The following STARD7 variants were observed in gnomAD, a reference collection of about 807,000 sequenced individuals.
STARD7 encodes StAR related lipid transfer domain containing 7.
In STARD7, 30 loss-of-function variants were observed where a neutral mutation model predicts 45.3. The observed-to-expected ratio is 0.66, with a 90% confidence interval of 0.50 to 0.90. The LOEUF is 0.90. Among genes scored for constraint, STARD7 ranks in the 40% least tolerant of loss-of-function variants. The pLI is 0.00. For synonymous variants in STARD7, 199 were observed against 183.0 expected (o/e 1.09, Z -0.70); for missense variants, 495 against 491.3 (o/e 1.01, Z -0.07).
chr2:96,197,100 A>AC (rs1162445956), intron 1 of STARD7, among the ~76,000 whole-genome samples: 5 of 139,876 alleles, frequency 3.6e-5, no homozygotes, highest in Non-Finnish European at 3.2e-5. Context: ...ATAAAATAAA[A>AC]TAAAATAAAA....
Position 96,198,257 on chromosome 2 carries a change from A to C in STARD7, c.291-2708T>G, listed in dbSNP as rs543466827. On this transcript the variant is annotated intron_variant, in intron 1 of 7. Transcript: ENST00000337288. ...AGAATTGCTTGAACCCAGGAGGTGG[A>C]GGTTGCAGTGAGCCAAGATTGCACC... is the stretch of plus-strand genomic sequence containing the variant. 3.4e-4 allele frequency among the ~76,000 whole-genome samples: 51 copies of C among 151,834 alleles called. 1 individual carries two copies. The highest frequency in any genetic ancestry group is 1.2e-3 in the African/African-American group (49 of 41,382).
At chr2:96,204,231 G>C (rs1284660342) in intron 1 of STARD7, among the ~76,000 whole-genome samples, 1 of 152,096 alleles carries the variant, frequency 6.6e-6, no homozygotes, top group Non-Finnish European at 1.5e-5. Context: ...CTGCACTCCA[G>C]CCTGGGCGAC....
chr2:96,204,955 A>G (rs1318091503), intron 1 of STARD7, among the ~76,000 whole-genome samples: 2 of 152,154 alleles, frequency 1.3e-5, no homozygotes, highest in East Asian at 1.9e-4. Context: ...AACTATGAGG[A>G]GGTTAATGGA....
Position 96,185,591 on chromosome 2 carries a change from T to G in STARD7, c.*1139A>C, listed in dbSNP as rs1683023067. ...TGGCTCTGAAGAGAGGAAGAAAAAC[T>G]TTTTAGAGGAACTTAATGGTAACAT... On this transcript the variant is annotated 3_prime_UTR_variant, in exon 8 of 8. Transcript: ENST00000337288. 1.3e-5 allele frequency: 2 copies of G among 152,172 alleles called. No individual in the cohort carries two copies. Among genetic ancestry groups the G allele is most frequent in the South Asian group, 4.1e-4 (2 of 4,824 alleles). The allele number at this position is 152,172 out of a possible 1,614,324, so 9.4% of individuals were successfully genotyped here.
At chr2:96,190,200 GA>G (rs1683104055) in intron 6 of STARD7, among the ~76,000 whole-genome samples, 1 of 152,136 alleles carries the variant, frequency 6.6e-6, no homozygotes, top group South Asian at 2.1e-4. Flanking sequence ...TGTAACACCA[GA>G]AAGCAAGACA....
intron 1 of STARD7, among the ~76,000 whole-genome samples, chr2:96,204,355 C>A (rs1683354384): frequency 6.6e-6 from 1 of 152,056 alleles, no homozygotes; most frequent in South Asian, 2.1e-4. Flanking sequence ...GAGCTGGAGA[C>A]CAGCCTGTCC....
chr2:96,200,796 G>A (rs1015408790), intron 1 of STARD7, among the ~76,000 whole-genome samples: 5 of 152,074 alleles, frequency 3.3e-5, no homozygotes, highest in South Asian at 2.1e-4. Flanking sequence ...CACAATAGGC[G>A]TGTGCTACCA....
At chr2:96,187,056 C>A in intron 7 of STARD7, 142 bp from the exon 8 acceptor site, 1 of 930,710 alleles carries the variant, frequency 1.1e-6, no homozygotes, top group Non-Finnish European at 1.6e-6. Context: ...ATAAGAGCTG[C>A]CTCCCGGAAT....
intron 1 of STARD7, among the ~76,000 whole-genome samples, chr2:96,206,796 G>A (rs1342576698): frequency 1.1e-4 from 10 of 94,254 alleles, no homozygotes; most frequent in East Asian, 3.5e-4. Context: ...GCGAGACTCC[G>A]TCTCAAAAAA....
chr2:96,197,197 G>T (rs945550202), intron 1 of STARD7, among the ~76,000 whole-genome samples: 2 of 151,964 alleles, frequency 1.3e-5, no homozygotes, highest in Admixed American at 6.6e-5. Context: ...CTGAGGTCAG[G>T]AGTTCGAGAC....
At chr2:96,194,921 T>G in intron 3 of STARD7, 37 bp downstream of exon 3, 1 of 1,570,822 alleles carries the variant, frequency 6.4e-7, no homozygotes, top group South Asian at 1.2e-5. Flanking sequence ...ATTGATATGC[T>G]AGGAGGCTCC....
In STARD7 at chr2:96,208,376, A is replaced by T; in HGVS notation, c.59T>A (p.Leu20Gln). The T allele has an allele frequency of 6.6e-7, 1 of 1,521,462 alleles. No homozygotes were observed. The highest frequency in any genetic ancestry group is 8.7e-7 in the Non-Finnish European group (1 of 1,145,200). The allele number at this position is 1,521,462 out of a possible 1,614,324, so 94.2% of individuals were successfully genotyped here. The change falls in exon 1 of 8, where the codon CTG becomes CAG. Residue 20 changes from leucine (L) to glutamine (Q), a missense_variant. Coordinates refer to ENST00000337288, the MANE Select transcript of STARD7 (RefSeq NM_020151.4). ...WLAGTRGGGL[L>Q]ALLANQCRFV... The stretch of plus-strand genomic sequence containing the variant: ...GCGGCACTGATTGGCCAGAAGCGCC[A>T]GCAGGCCCCCGCCCCGCGTCCCCGC...
chr2:96,191,120 G>A (rs1201678074), intron 6 of STARD7, among the ~76,000 whole-genome samples: 6 of 152,172 alleles, frequency 3.9e-5, no homozygotes, highest in African/African-American at 7.2e-5. Flanking sequence ...AGTTGTGATT[G>A]TACCACTGCA....
In STARD7 at chr2:96,208,156, C is replaced by T. The variant is rs1683428689; in HGVS notation, c.279G>A (p.Glu93=). The T allele has an allele frequency of 6.3e-7, 1 of 1,586,314 alleles. No individual in the cohort carries two copies. The highest frequency in any genetic ancestry group is 1.4e-5 in the African/African-American group (1 of 72,940). The change falls in exon 1 of 8, where the codon GAG becomes GAA. Residue 93 remains glutamate, a synonymous_variant. Transcript: ENST00000337288. ...GCCGCAGCGCCCACCTCTGCAACTC[C>T]TCCTCCTGGATCCTCTCCTCGTCCC... The part of the protein sequence containing the change: ...FVWDEERIQE[E]ELQRSINEMK...
At chr2:96,200,767 C>T (rs1451058409) in intron 1 of STARD7, among the ~76,000 whole-genome samples, 3 of 152,178 alleles carry the variant, frequency 2.0e-5, no homozygotes, top group Non-Finnish European at 4.4e-5. Flanking sequence ...CCTTTCACTT[C>T]AGCCTCCCAA....
chr2:96,205,466 A>G (rs530961752), intron 1 of STARD7, among the ~76,000 whole-genome samples: 11 of 152,360 alleles, frequency 7.2e-5, no homozygotes, highest in Admixed American at 7.2e-4. Flanking sequence ...GTACAGAATC[A>G]GCACAGATGA....
At position 96,196,123 on chromosome 2, in the gene STARD7, AAAAAAAC is replaced by A. The variant is rs1553432193; in HGVS notation, c.291-581_291-575del. On this transcript the variant is annotated intron_variant, in intron 1 of 7. Coordinates refer to ENST00000337288, the MANE Select transcript of STARD7 (RefSeq NM_020151.4). ...GTGAGACTCTTGTCTCAAAAAAAAAAAAAAAACAAAAAACAAAAAACAACGAAAAAAA... is the reference window on the plus strand; with the variant it reads ...GTGAGACTCTTGTCTCAAAAAAAAAAAAAAAACAAAAAACAACGAAAAAAA... 9.0e-4 allele frequency among the ~76,000 whole-genome samples: 136 copies of A among 150,518 alleles called. 1 individual carries two copies. The highest frequency in any genetic ancestry group is 2.3e-3 in the South Asian group (11 of 4,790).
intron 5 of STARD7, among the ~76,000 whole-genome samples, chr2:96,192,704 G>A (rs1683143428): frequency 6.6e-6 from 1 of 152,178 alleles, no homozygotes; most frequent in African/African-American, 2.4e-5. Context: ...AAGATCACTT[G>A]AGGCCAGGAG....
Position 96,208,389 on chromosome 2 carries a change from C to T in STARD7, c.46G>A (p.Gly16Ser), listed in dbSNP as rs955275229. The change falls in exon 1 of 8, where the codon GGC becomes AGC. Residue 16 changes from glycine to serine, a missense_variant. Transcript: ENST00000337288. ...LLAAWLAGTR[G>S]GGLLALLANQ... ...GCCAGAAGCGCCAGCAGGCCCCCGC[C>T]CCGCGTCCCCGCCAGCCAGGCGGCC... The T allele has an allele frequency of 2.4e-5, 36 of 1,473,496 alleles. No individual in the cohort carries two copies. Among genetic ancestry groups the T allele is most frequent in the Middle Eastern group, 2.3e-4 (1 of 4,282 alleles). 91.3% of individuals were successfully genotyped at this position (1,473,496 alleles called of 1,614,324 possible).
Sources: gnomAD v4.1 joint callset for allele counts (sites outside exome capture counted in the v4.1 genomes callset) on GRCh38, gnomAD v4.1.1 for gene constraint, MANE v1.5 for transcripts, NCBI Gene and HGNC (gene_info 2026-07-23, HGNC 2026-07-21) for gene names.